Variants in GPR39 observed in about 807,000 individuals in gnomAD.
GPR39 encodes zinc sensing receptor.
A neutral mutation model predicts 18.4 loss-of-function variants in GPR39; 23 were observed. The observed-to-expected ratio is 1.25, with a 90% CI of 0.90 to 1.77. The LOEUF is 1.77. Ranked by LOEUF, GPR39 falls within the 40% of genes most tolerant of loss-of-function variation. GPR39 has a pLI of 0.00. For synonymous variants in GPR39, 280 were observed against 257.9 expected (o/e 1.09, Z -0.82); for missense variants, 647 against 602.4 (o/e 1.07, Z -0.78).
At chr2:132,641,326 T>G (rs1259599163) in intron 1 of GPR39, among the ~76,000 whole-genome samples, 2 of 152,216 alleles carry the variant, frequency 1.3e-5, no homozygotes, top group African/African-American at 2.4e-5. Context: ...TAATTCAGCA[T>G]TGGTTGCATT....
Position 132,451,000 on chromosome 2 carries a change from A to AGAAGG in GPR39, c.856+33102_856+33103insGAAGG, listed in dbSNP as rs1680621332. 5.3e-5 allele frequency among the ~76,000 whole-genome samples: 8 copies of AGAAGG among 152,200 alleles called. No homozygotes were observed. The South Asian group carries it at 1.4e-3, about 28-fold the overall frequency. On this transcript the variant is annotated intron_variant, in intron 1 of 1. Coordinates refer to ENST00000329321, the MANE Select transcript of GPR39 (RefSeq NM_001508.3). ...AGCTATGTCCAGTGCTCAAAGGTGG[A>AGAAGG]TGCCAGAGGAAAAGGGCTGGTGGGA...
intron 1 of GPR39, among the ~76,000 whole-genome samples, chr2:132,602,079 T>C (rs1053134830): frequency 3.4e-5 from 5 of 148,608 alleles, no homozygotes; most frequent in Admixed American, 3.3e-4. Context: ...AGACCCCAAA[T>C]AGCCAAAGCA....
intron 1 of GPR39, among the ~76,000 whole-genome samples, chr2:132,454,479 C>A (rs1680683727): frequency 6.6e-6 from 1 of 152,206 alleles, no homozygotes; most frequent in South Asian, 2.1e-4. Flanking sequence ...TTATTTCTTT[C>A]TCTTGCCTGA....
chr2:132,563,422 A>C (rs1573669277), intron 1 of GPR39, among the ~76,000 whole-genome samples: 1 of 152,190 alleles, frequency 6.6e-6, no homozygotes, highest in Non-Finnish European at 1.5e-5. Flanking sequence ...GTGTCTACAA[A>C]AACTAGCTCG....
At chr2:132,473,318 A>G (rs1355714521) in intron 1 of GPR39, among the ~76,000 whole-genome samples, 2 of 152,158 alleles carry the variant, frequency 1.3e-5, no homozygotes, top group Admixed American at 1.3e-4. Context: ...CCCACCTTCC[A>G]CCATGTATGT....
rs536216627 is a variant in GPR39, at chr2:132,570,023, C to T, written c.857-75078C>T. On this transcript the variant is annotated intron_variant, in intron 1 of 1. Coordinates refer to ENST00000329321, the MANE Select transcript of GPR39 (RefSeq NM_001508.3). The stretch of plus-strand genomic sequence containing the variant: ...TTAAGGGCAGTGGGAAAGCGGACTA[C>T]GAAACCGACCTTGTGCCTGGAAGCA... Among the ~76,000 whole-genome samples the T allele has an allele frequency of 9.9e-5, 15 of 152,260 alleles. No individual in the cohort carries two copies. The East Asian group carries it at 1.6e-3, about 16-fold the overall frequency.
At chr2:132,558,266 C>T (rs1405184076) in intron 1 of GPR39, among the ~76,000 whole-genome samples, 1 of 152,108 alleles carries the variant, frequency 6.6e-6, no homozygotes, top group Admixed American at 6.5e-5. Context: ...CTAGCAATAC[C>T]TGCTCTGTTG....
At chr2:132,585,267 T>G (rs1680704860) in intron 1 of GPR39, among the ~76,000 whole-genome samples, 1 of 151,936 alleles carries the variant, frequency 6.6e-6, no homozygotes, top group African/African-American at 2.4e-5. Context: ...ATTGCTGCCG[T>G]CCCCAGCTAG....
At chr2:132,581,136 T>TGAACTCATAAAAC (rs1680615691) in intron 1 of GPR39, among the ~76,000 whole-genome samples, 1 of 152,066 alleles carries the variant, frequency 6.6e-6, no homozygotes, top group Non-Finnish European at 1.5e-5. Context: ...CAAAGCAGTT[T>TGAACTCATAAAAC]TTATGAACTC....
At chr2:132,464,252 A>T (rs555846456) in intron 1 of GPR39, among the ~76,000 whole-genome samples, 1 of 152,186 alleles carries the variant, frequency 6.6e-6, no homozygotes, top group Non-Finnish European at 1.5e-5. Context: ...CTTGCTTGGG[A>T]TCATGCATAT....
intron 1 of GPR39, among the ~76,000 whole-genome samples, chr2:132,483,644 AGTT>A (rs1681277294): frequency 6.6e-6 from 1 of 152,128 alleles, no homozygotes; most frequent in South Asian, 2.1e-4. Context: ...CCCTTGCTGG[AGTT>A]GTTTTAGTCC....
intron 1 of GPR39, among the ~76,000 whole-genome samples, chr2:132,428,039 TA>T (rs1342928472): frequency 6.6e-6 from 1 of 151,092 alleles, no homozygotes; most frequent in Admixed American, 6.6e-5. Flanking sequence ...TTACCCTTGA[TA>T]GGGGTGACAA....
chr2:132,525,065 G>C (rs1345723427), intron 1 of GPR39, among the ~76,000 whole-genome samples: 1 of 152,074 alleles, frequency 6.6e-6, no homozygotes. Flanking sequence ...GCTGCCCCTG[G>C]AATTTGAGAG....
chr2:132,458,162 G>C lies in GPR39; in HGVS notation c.856+40264G>C, dbSNP rs911483330. 2.6e-5 allele frequency among the ~76,000 whole-genome samples: 4 copies of C among 152,230 alleles called. No homozygotes were observed. The East Asian group carries it at 5.8e-4, about 22-fold the overall frequency. On this transcript the variant is annotated intron_variant, in intron 1 of 1. Coordinates refer to ENST00000329321, the MANE Select transcript of GPR39 (RefSeq NM_001508.3). ...CCCACTGTCCAACCAGTCCCAATGA[G>C]ATGAACCAGGTACCTCAGTTGGAAG...
At chr2:132,629,436 TG>T (rs1239377416) in intron 1 of GPR39, among the ~76,000 whole-genome samples, 6 of 152,372 alleles carry the variant, frequency 3.9e-5, no homozygotes, top group African/African-American at 1.2e-4. Flanking sequence ...CTTGAACCTA[TG>T]TATCTAGGAA....
At chr2:132,508,077 G>A in intron 1 of GPR39, among the ~76,000 whole-genome samples, 1 of 152,144 alleles carries the variant, frequency 6.6e-6, no homozygotes, top group East Asian at 1.9e-4. Flanking sequence ...CACATGGCTG[G>A]TCTTTCCAGC....
intron 1 of GPR39, among the ~76,000 whole-genome samples, chr2:132,621,073 C>T (rs1438244992): frequency 6.6e-6 from 1 of 152,070 alleles, no homozygotes; most frequent in Admixed American, 6.5e-5. Flanking sequence ...TTAAATATGT[C>T]CATTCCCCAG....
chr2:132,464,972 C>T (rs1246582870), intron 1 of GPR39, among the ~76,000 whole-genome samples: 2 of 152,196 alleles, frequency 1.3e-5, no homozygotes, highest in East Asian at 3.9e-4. Context: ...TCCTGTGTCC[C>T]TTAAACCAAG....
At chr2:132,499,690 T>C (rs1403656979) in intron 1 of GPR39, among the ~76,000 whole-genome samples, 1 of 152,232 alleles carries the variant, frequency 6.6e-6, no homozygotes, top group Non-Finnish European at 1.5e-5. Flanking sequence ...ATTCTACCCA[T>C]CCATGAGCAT....
Sources: allele counts gnomAD v4.1 joint callset (sites outside exome capture counted in the v4.1 genomes callset), GRCh38; gene constraint gnomAD v4.1.1; transcripts MANE v1.5; gene names NCBI Gene and HGNC (gene_info 2026-07-23, HGNC 2026-07-21).